Variants in KCNK9 observed in about 807,000 individuals in gnomAD.
The protein encoded by KCNK9 is potassium channel subfamily K member 9.
In KCNK9, 1 loss-of-function variant was observed where a neutral mutation model predicts 10.8. That is an observed-to-expected ratio of 0.09 (90% CI 0.03 to 0.44). The LOEUF (loss-of-function observed/expected upper bound fraction) is 0.44. Ranked by LOEUF, KCNK9 falls within the 20% of genes least tolerant of loss-of-function variation. The pLI is 0.97. For synonymous variants in KCNK9, 231 were observed against 222.7 expected, an observed-to-expected ratio of 1.04 and a Z score of -0.33; for missense variants, 303 against 515.0, an observed-to-expected ratio of 0.59 and a Z score of 3.98.
At chr8:139,643,059 G>T (rs1042091857) in intron 1 of KCNK9, among the ~76,000 whole-genome samples, 2 of 152,106 alleles carry the variant, frequency 1.3e-5, no homozygotes, top group Non-Finnish European at 2.9e-5. Context: ...AGCCCCTGTG[G>T]TCCCCCTGCC....
At chr8:139,650,784 C>A (rs539806203) in intron 1 of KCNK9, among the ~76,000 whole-genome samples, 1 of 152,214 alleles carries the variant, frequency 6.6e-6, no homozygotes, top group South Asian at 2.1e-4. Context: ...GTGGGGAAGG[C>A]AGCATGTGGG....
chr8:139,689,229 T>A (rs746319266), intron 1 of KCNK9, among the ~76,000 whole-genome samples: 1 of 152,214 alleles, frequency 6.6e-6, no homozygotes, highest in Non-Finnish European at 1.5e-5. Flanking sequence ...TAAGTCACCC[T>A]GTCTTACTCT....
At chr8:139,679,391 T>A (rs958268264) in intron 1 of KCNK9, among the ~76,000 whole-genome samples, 2 of 152,234 alleles carry the variant, frequency 1.3e-5, no homozygotes, top group South Asian at 4.1e-4. Flanking sequence ...CTGCGATGAC[T>A]TCCCCCAGGA....
intron 1 of KCNK9, among the ~76,000 whole-genome samples, chr8:139,692,764 A>C (rs1563753948): frequency 6.6e-6 from 1 of 152,132 alleles, no homozygotes; most frequent in Non-Finnish European, 1.5e-5. Context: ...CATCAGTGGC[A>C]ATCAGCTCCC....
chr8:139,640,117 G>C (rs1815457023), intron 1 of KCNK9, among the ~76,000 whole-genome samples: 1 of 151,682 alleles, frequency 6.6e-6, no homozygotes, highest in Non-Finnish European at 1.5e-5. Flanking sequence ...TAGATCTTGG[G>C]CCTCCGTGGC....
Position 139,618,541 on chromosome 8 carries a change from G to T in KCNK9, c.842C>A (p.Pro281His), listed in dbSNP as rs1464626379. ...GTCCGCCTTGTACCTGGGCCGGCTGGGCCGCGGCTCCTCAGGGATGTGAAT... is the reference window on the plus strand; with the variant it reads ...GTCCGCCTTGTACCTGGGCCGGCTGTGCCGCGGCTCCTCAGGGATGTGAAT... ...MVIHIPEEPR[P>H]SRPRYKADVP... The change falls in exon 2 of 2, where the codon CCC becomes CAC. Residue 281 changes from proline (P) to histidine (H), a missense_variant. By Grantham distance (77) the Pro-to-His change is moderately conservative (BLOSUM62 -2). Around this residue, in one of 5 missense-constraint regions of KCNK9, gnomAD observed 138 missense variants for 161.1 expected, o/e 0.86. Transcript: ENST00000520439. This position sits in a 1 kb window ranked among gnomAD's most constrained non-coding sequence, Gnocchi z 7.9. 3 of 1,613,554 alleles carry T rather than the reference G, an allele frequency of 1.9e-6. No individual in the cohort carries two copies. Among genetic ancestry groups the T allele is most frequent in the Non-Finnish European group, 2.5e-6 (3 of 1,179,916 alleles).
At chr8:139,605,471 G>C (rs1300276151) in intron 2 of KCNK9, among the ~76,000 whole-genome samples, 1 of 152,130 alleles carries the variant, frequency 6.6e-6, no homozygotes, top group Non-Finnish European at 1.5e-5. Flanking sequence ...CTCCGAGTAG[G>C]CCTGTCTACA....
At chr8:139,607,114 T>C (rs936485254) in intron 2 of KCNK9, among the ~76,000 whole-genome samples, 1 of 152,282 alleles carries the variant, frequency 6.6e-6, no homozygotes, top group Admixed American at 6.5e-5. Flanking sequence ...TTGTGGGTTC[T>C]GCTTCACTGG....
At chr8:139,612,739 G>A (rs1365993215), downstream of KCNK9, 3 of 152,194 alleles carry the variant, frequency 2.0e-5, no homozygotes, top group Non-Finnish European at 4.4e-5. Flanking sequence ...TACCACAGAG[G>A]TCCCCAGAGA....
At chr8:139,647,311 A>G (rs1004599960) in intron 1 of KCNK9, among the ~76,000 whole-genome samples, 1 of 152,178 alleles carries the variant, frequency 6.6e-6, no homozygotes, top group Non-Finnish European at 1.5e-5. Context: ...CTCCATCCAT[A>G]TCTTCATTCA....
chr8:139,634,915 T>C (rs1815293199), intron 1 of KCNK9, among the ~76,000 whole-genome samples: 1 of 152,072 alleles, frequency 6.6e-6, no homozygotes, highest in East Asian at 1.9e-4. Context: ...CTGAAGGGTG[T>C]TGCCTGGGTG....
chr8:139,617,772 G>A lies in KCNK9; in HGVS notation c.*486C>T, dbSNP rs544132661. 1.5e-3 allele frequency among the ~76,000 whole-genome samples: 231 copies of A among 152,200 alleles called. 2 individuals carry two copies. The highest frequency in any genetic ancestry group is 5.4e-3 in the African/African-American group (224 of 41,512). ...TGTCACGACACACGTGCACACAGAA[G>A]CACACACACAACACACACACAGTCA... On this transcript the variant is annotated 3_prime_UTR_variant, in exon 2 of 2. Coordinates refer to ENST00000520439, the MANE Select transcript of KCNK9 (RefSeq NM_001282534.2).
At chr8:139,674,562 C>T (rs115714792) in intron 1 of KCNK9, among the ~76,000 whole-genome samples, 1,535 of 152,292 alleles carry the variant, frequency 0.01, 23 homozygotes, top group African/African-American at 0.035. Flanking sequence ...CTCCCTCATG[C>T]CTAGGCCACA....
intron 1 of KCNK9, among the ~76,000 whole-genome samples, chr8:139,658,881 G>C (rs1816084661): frequency 6.6e-6 from 1 of 152,242 alleles, no homozygotes; most frequent in Non-Finnish European, 1.5e-5. Flanking sequence ...GAGTCCACCT[G>C]CCTCAGGCAC....
downstream of KCNK9, among the ~76,000 whole-genome samples, chr8:139,609,106 A>ACCCCCCCCCCCCCCC (rs1554617339): frequency 8.1e-6 from 1 of 123,944 alleles, no homozygotes; most frequent in African/African-American, 3.2e-5. Context: ...GACCCATCCC[A>ACCCCCCCCCCCCCCC]CCCCACCCCG....
chr8:139,615,930 G>A (rs1170889835), downstream of KCNK9: 1 of 151,852 alleles, frequency 6.6e-6, no homozygotes, highest in East Asian at 1.9e-4. Flanking sequence ...TTGCTCCAAG[G>A]GCCTGCTGCA....
At chr8:139,700,620 GAGGAAAATCAGCGAATTCCTC>G (rs1327738169) in intron 1 of KCNK9, among the ~76,000 whole-genome samples, 1 of 152,034 alleles carries the variant, frequency 6.6e-6, no homozygotes, top group Non-Finnish European at 1.5e-5. Context: ...AGAAGGAAGC[GAGGAAAATCAGCGAATTCCTC>G]AGATGGCCTC....
chr8:139,666,739 G>C (rs1472559118), intron 1 of KCNK9, among the ~76,000 whole-genome samples: 1 of 152,276 alleles, frequency 6.6e-6, no homozygotes, highest in African/African-American at 2.4e-5. Context: ...ATGTCTAGCT[G>C]TATCCGCTAG....
chr8:139,619,236 G>C, intron 1 of KCNK9, 137 bp from the exon 2 acceptor site: 1 of 959,892 alleles, frequency 1.0e-6, no homozygotes, highest in Non-Finnish European at 1.6e-6. Context: ...CTGCAGGGTA[G>C]AGGGGCGTGG....
Sources: allele counts gnomAD v4.1 joint callset (sites outside exome capture counted in the v4.1 genomes callset), GRCh38; gene constraint gnomAD v4.1.1; regional missense constraint gnomAD v4.1.1; non-coding constraint Gnocchi (gnomAD v3.1); transcripts MANE v1.5; gene names NCBI Gene and HGNC (gene_info 2026-07-23, HGNC 2026-07-21).